KIF1A: variants seen among roughly 807,000 people sequenced by gnomAD.
KIF1A encodes kinesin-like protein KIF1A.
A neutral mutation model predicts 227.3 loss-of-function variants in KIF1A; 46 were observed. That is an observed-to-expected ratio of 0.20 (90% CI 0.16 to 0.26). The LOEUF (loss-of-function observed/expected upper bound fraction) is 0.26, where lower values mean the gene tolerates loss of function less well. Ranked by LOEUF, KIF1A falls within the 10% of genes least tolerant of loss-of-function variation. The pLI, the probability that KIF1A is intolerant of heterozygous loss-of-function variation, is 1.00. For synonymous variants in KIF1A, 1,022 were observed against 1,012.8 expected (o/e 1.01, Z -0.17); for missense variants, 1,683 against 2,485.9 (o/e 0.68, Z 6.87).
intron 6 of KIF1A, 147 bp from the exon 7 acceptor site, chr2:240,785,247 G>A: frequency 1.5e-6 from 1 of 657,824 alleles, no homozygotes; most frequent in South Asian, 1.8e-5. Context: ...GGCACTGATG[G>A]CGCCTCCTGC....
intron 1 of KIF1A, among the ~76,000 whole-genome samples, chr2:240,799,320 G>A (rs931804328): frequency 8.5e-5 from 13 of 152,206 alleles, no homozygotes; most frequent in African/African-American, 3.1e-4. Context: ...CCTTGCCCAG[G>A]CCACTCCCAG....
At chr2:240,735,862 C>G (rs1310895752) in intron 38 of KIF1A, among the ~76,000 whole-genome samples, 1 of 152,122 alleles carries the variant, frequency 6.6e-6, no homozygotes, top group East Asian at 1.9e-4. Context: ...ATAGAACACC[C>G]CCCGGATTCT....
At chr2:240,811,920 C>A (rs1239784716) in intron 1 of KIF1A, among the ~76,000 whole-genome samples, 1 of 151,930 alleles carries the variant, frequency 6.6e-6, no homozygotes, top group East Asian at 1.9e-4. Context: ...GGCCCGAGGG[C>A]AGGAGAGGGA....
intron 23 of KIF1A, 118 bp from the exon 24 acceptor site, chr2:240,761,495 G>A (rs1287054771): frequency 4.4e-6 from 4 of 905,704 alleles, no homozygotes; most frequent in Non-Finnish European, 1.6e-6. Flanking sequence ...AGCTGACCCT[G>A]TGCTCTGTGT....
At chr2:240,779,836 T>C (rs886499667) in intron 10 of KIF1A, among the ~76,000 whole-genome samples, 1 of 152,174 alleles carries the variant, frequency 6.6e-6, no homozygotes, top group Admixed American at 6.5e-5. Flanking sequence ...CGCAGCCGCA[T>C]GCACTGCCTC....
At position 240,747,313 on chromosome 2, in the gene KIF1A, C is replaced by T; in HGVS notation, c.2986G>A (p.Glu996Lys). 1 of 1,613,028 alleles carries T rather than the reference C, an allele frequency of 6.2e-7. No individual in the cohort carries two copies. The highest frequency in any genetic ancestry group is 8.5e-7 in the Non-Finnish European group (1 of 1,179,354). The change falls in exon 29 of 49, where the codon GAG becomes AAG. Residue 996 changes from glutamate to lysine, a missense_variant. This residue lies in a region of KIF1A where 759 missense variants were observed against 1,020.2 expected (regional missense o/e 0.74). Coordinates refer to ENST00000498729, the MANE Select transcript of KIF1A (RefSeq NM_001244008.2). The part of the protein sequence containing the change: ...VAVQAISADE[E>K]APDYGSGVRQ... Reference sequence around the variant, plus strand: ...ACGCCAGAGCCATAATCAGGGGCCTCTTCATCGGCTGCAGGAGAAACAGAG... The same window carrying T: ...ACGCCAGAGCCATAATCAGGGGCCTTTTCATCGGCTGCAGGAGAAACAGAG...
chr2:240,745,907 C>T lies in KIF1A; in HGVS notation c.3205G>A (p.Val1069Met), dbSNP rs1309796747. The stretch of plus-strand genomic sequence containing the variant: ...TCTAGGAGGAGGCCTTCTGGGGGCA[C>T]TGCTGCTGGGAGTCAAGGAGAGAGT... ...DEVNNNTCSA[V>M]PPEGLLLDSS... Residue 1069 changes from valine to methionine, a missense_variant and splice_region_variant, in exon 31 of 49, where the codon GTG (valine) becomes ATG (methionine). By Grantham distance (21) the Val-to-Met change is conservative. Coordinates refer to ENST00000498729, the MANE Select transcript of KIF1A (RefSeq NM_001244008.2). 1 of 1,601,232 alleles carries T rather than the reference C, an allele frequency of 6.2e-7. No homozygotes were observed. Among genetic ancestry groups the T allele is most frequent in the African/African-American group, 1.3e-5 (1 of 74,626 alleles).
At position 240,726,563 on chromosome 2, in the gene KIF1A, G is replaced by A. The variant is rs759160236; in HGVS notation, c.4122+263C>T. ...GAAGCGGAGGTTGCAGTGAGACTGC[G>A]CCATTGCACTCCAGCCTGGGCGACA... On this transcript the variant is annotated intron_variant, in intron 39 of 48. Transcript: ENST00000498729. This position sits in a 1 kb window ranked among gnomAD's most constrained non-coding sequence, Gnocchi z 5.2. Among the ~76,000 whole-genome samples, 8 of 152,106 alleles carry A rather than the reference G, an allele frequency of 5.3e-5. No homozygotes were observed. The highest frequency in any genetic ancestry group is 8.8e-5 in the Non-Finnish European group (6 of 68,040).
intron 29 of KIF1A, among the ~76,000 whole-genome samples, chr2:240,746,846 G>A (rs540611897): frequency 3.3e-5 from 5 of 152,252 alleles, no homozygotes; most frequent in African/African-American, 1.2e-4. Context: ...AGGAGCAGGC[G>A]AAGGAGCAGG....
rs977188916 is a variant in KIF1A at position 240,726,600 on chromosome 2, C to G, written c.4122+226G>C. ...CAGCCTGGGCGACAAGAGTGAGACTCGGTCTCAAAAACAAAAAAAAAACAG... is the reference window on the plus strand; with the variant it reads ...CAGCCTGGGCGACAAGAGTGAGACTGGGTCTCAAAAACAAAAAAAAAACAG... On this transcript the variant is annotated intron_variant, in intron 39 of 48. Transcript: ENST00000498729. The surrounding 1 kb of genome is among the most constrained non-coding windows in gnomAD (Gnocchi z 5.2). Among the ~76,000 whole-genome samples, 6 of 151,702 alleles carry G rather than the reference C, an allele frequency of 4.0e-5. No homozygotes were observed. Among genetic ancestry groups the G allele is most frequent in the African/African-American group, 1.5e-4 (6 of 41,270 alleles).
chr2:240,806,996 C>T (rs1169458579), intron 1 of KIF1A, among the ~76,000 whole-genome samples: 1 of 152,128 alleles, frequency 6.6e-6, no homozygotes, highest in African/African-American at 2.4e-5. Context: ...GGACCCCCCA[C>T]AGATACCAAA....
In KIF1A at chr2:240,789,675, C is replaced by T. The variant is rs1015780774; in HGVS notation, c.107-363G>A. 6.6e-6 allele frequency among the ~76,000 whole-genome samples: 1 copy of T among 152,232 alleles called. No homozygotes were observed. The highest frequency in any genetic ancestry group is 6.5e-5 in the Admixed American group (1 of 15,290). Reference sequence around the variant, plus strand: ...GGTGTCCACCTTGGGCTCACAGCCCCTGCCCTGCCCCGCCCCCTGCTCAGG... The same window carrying T: ...GGTGTCCACCTTGGGCTCACAGCCCTTGCCCTGCCCCGCCCCCTGCTCAGG... On this transcript the variant is annotated intron_variant, in intron 2 of 48. Coordinates refer to ENST00000498729, the MANE Select transcript of KIF1A (RefSeq NM_001244008.2). This position sits in a 1 kb window ranked among gnomAD's most constrained non-coding sequence, Gnocchi z 4.8.
chr2:240,768,988 G>C (rs1235575648), intron 17 of KIF1A, 145 bp downstream of exon 17: 4 of 704,290 alleles, frequency 5.7e-6, no homozygotes, highest in Admixed American at 2.2e-5. Flanking sequence ...TGTGACTATG[G>C]GTGAGCTTCA....
chr2:240,790,429 C>T lies in KIF1A; in HGVS notation c.107-1117G>A, dbSNP rs532230305. 7.2e-5 allele frequency among the ~76,000 whole-genome samples: 11 copies of T among 152,050 alleles called. No homozygotes were observed. Among genetic ancestry groups the T allele is most frequent in the Admixed American group, 1.3e-4 (2 of 15,272 alleles). On this transcript the variant is annotated intron_variant, in intron 2 of 48. Coordinates refer to ENST00000498729, the MANE Select transcript of KIF1A (RefSeq NM_001244008.2). The surrounding 1 kb of genome is among the most constrained non-coding windows in gnomAD (Gnocchi z 5.0). ...CCCCGGATTGGTTTTCCTCAGCCAG[C>T]GTGGGCTGGGGGCCAGCGGCACAGC...
In KIF1A at chr2:240,717,387, T is replaced by G; in HGVS notation, c.5353A>C (p.Arg1785=). Residue 1785 remains arginine, a synonymous_variant, in exon 49 of 49, where the codon AGG becomes CGG. Transcript: ENST00000498729. The part of the protein sequence containing the change: ...GTIRSKLSRR[R]SAQMRV ...GTTCAGACCCGCATCTGGGCAGACC[T>G]CCTTCTGGAGAGCTTGGACCTGCAG... is the stretch of plus-strand genomic sequence containing the variant. The G allele has an allele frequency of 6.2e-7, 1 of 1,611,736 alleles. No individual in the cohort carries two copies. Among genetic ancestry groups the G allele is most frequent in the African/African-American group, 1.3e-5 (1 of 75,028 alleles).
At chr2:240,820,939 C>T (rs1373277067), upstream of KIF1A, among the ~76,000 whole-genome samples, 1 of 152,094 alleles carries the variant, frequency 6.6e-6, no homozygotes, top group Non-Finnish European at 1.5e-5. This position sits in a 1 kb window ranked among gnomAD's most constrained non-coding sequence, Gnocchi z 6.2. Flanking sequence ...GTTTAACTTC[C>T]TTGGACCCCC....
rs2052593639 is a variant in KIF1A, at chr2:240,775,362, T to A, written c.958+489A>T. Among the ~76,000 whole-genome samples the A allele has an allele frequency of 6.6e-6, 1 of 152,306 alleles. No individual in the cohort carries two copies. Among genetic ancestry groups the A allele is most frequent in the African/African-American group, 2.4e-5 (1 of 41,570 alleles). On this transcript the variant is annotated intron_variant, in intron 11 of 48. Coordinates refer to ENST00000498729, the MANE Select transcript of KIF1A (RefSeq NM_001244008.2). The surrounding 1 kb of genome is among the most constrained non-coding windows in gnomAD (Gnocchi z 5.5). ...CAGTTGGGGAGGACTCTGAGGTTAT[T>A]CCGGGATGGACGGGATCAGCGTCGG...
rs189221048 is a variant in KIF1A, at chr2:240,732,292, G to C, written c.4007+4771C>G. ...GGATGAAGGGAGAAGGGGATCAGGG[G>C]AGGAGAGAATGAGGGGAGGAGGGGA... On this transcript the variant is annotated intron_variant, in intron 38 of 48. Coordinates refer to ENST00000498729, the MANE Select transcript of KIF1A (RefSeq NM_001244008.2). 3.2e-4 allele frequency among the ~76,000 whole-genome samples: 40 copies of C among 126,462 alleles called. No homozygotes were observed. In the East Asian group the frequency reaches 8.6e-3, roughly 27 times the overall value. 83.0% of individuals were successfully genotyped at this position (126,462 alleles called of 152,430 possible).
At chr2:240,816,282 G>T (rs1425195058) in intron 1 of KIF1A, among the ~76,000 whole-genome samples, 1 of 151,744 alleles carries the variant, frequency 6.6e-6, no homozygotes, top group South Asian at 2.1e-4. Context: ...GCATGTGTGT[G>T]TATGAGTGTC....
Sources: gnomAD v4.1 joint callset for allele counts (sites outside exome capture counted in the v4.1 genomes callset) on GRCh38, gnomAD v4.1.1 for gene constraint, gnomAD v4.1.1 regional missense constraint, Gnocchi (gnomAD v3.1) non-coding constraint, MANE v1.5 for transcripts, NCBI Gene and HGNC (gene_info 2026-07-23, HGNC 2026-07-21) for gene names.